The following ZNF804B variants were observed in gnomAD, a reference collection of about 807,000 sequenced individuals.
The protein encoded by ZNF804B is zinc finger 804B.
A neutral mutation model predicts 101.4 loss-of-function variants in ZNF804B; 80 were observed. The ratio of observed to expected loss-of-function variants is 0.79; its 90% CI spans 0.66 to 0.95. The LOEUF is 0.95. Ranked by LOEUF, ZNF804B falls within the 40% of genes least tolerant of loss-of-function variation. The probability of loss-of-function intolerance (pLI) is 0.00; values close to 1 mark genes in which losing one functional copy is unlikely to be tolerated. For synonymous variants in ZNF804B, 622 were observed against 558.8 expected (o/e 1.11, Z -1.59); for missense variants, 1,673 against 1,561.9 (o/e 1.07, Z -1.20).
At chr7:89,137,989 T>C (rs148912359) in intron 1 of ZNF804B, among the ~76,000 whole-genome samples, 3,442 of 152,274 alleles carry the variant, frequency 0.023, 49 homozygotes, top group Non-Finnish European at 0.037. Flanking sequence ...GCTCAGGCCA[T>C]GGCTTCAGAG....
At chr7:88,794,521 C>CTCA (rs1790442665) in intron 1 of ZNF804B, 1 of 1,613,560 alleles carries the variant, frequency 6.2e-7, no homozygotes, top group Non-Finnish European at 8.5e-7. Context: ...CATAAAAAGC[C>CTCA]TCATTGGAAT....
chr7:89,139,309 T>C (rs1348131435), intron 1 of ZNF804B, among the ~76,000 whole-genome samples: 2 of 152,162 alleles, frequency 1.3e-5, no homozygotes, highest in Non-Finnish European at 2.9e-5. Flanking sequence ...GCCTTGATAT[T>C]GATAGCTGCT....
chr7:89,157,154 G>T (rs1021899234), intron 1 of ZNF804B, among the ~76,000 whole-genome samples: 3 of 152,158 alleles, frequency 2.0e-5, no homozygotes, highest in Non-Finnish European at 2.9e-5. Context: ...AATGCCTAGG[G>T]TAGCTTCCTG....
At chr7:89,283,531 A>G (rs1424918014) in intron 2 of ZNF804B, among the ~76,000 whole-genome samples, 1 of 152,140 alleles carries the variant, frequency 6.6e-6, no homozygotes, top group Non-Finnish European at 1.5e-5. Context: ...CTGTCTATAT[A>G]ATCTGCAGGG....
In ZNF804B at chr7:89,334,333, G is replaced by A; in HGVS notation, c.1351G>A (p.Gly451Ser). 6.2e-7 allele frequency: 1 copy of A among 1,613,776 alleles called. No individual in the cohort carries two copies. The highest frequency in any genetic ancestry group is 8.5e-7 in the Non-Finnish European group (1 of 1,179,832). ...LPFLHVQSKD[G>S]HTTLQWPTEL... ...TTTTCTCCACGTTCAAAGCAAGGAT[G>A]GCCACACCACTCTTCAATGGCCTAC... is the stretch of plus-strand genomic sequence containing the variant. Residue 451 changes from glycine to serine, a missense_variant, in exon 4 of 4, where the codon GGC becomes AGC. By Grantham distance (56) the Gly-to-Ser change is moderately conservative. Transcript: ENST00000333190.
At chr7:88,868,550 A>G (rs75407312) in intron 1 of ZNF804B, among the ~76,000 whole-genome samples, 4,304 of 152,250 alleles carry the variant, frequency 0.028, 215 homozygotes, top group African/African-American at 0.098. Context: ...AACAAACCCT[A>G]TTCCACCCAT....
intron 2 of ZNF804B, among the ~76,000 whole-genome samples, chr7:89,292,930 A>T (rs1297426156): frequency 6.6e-6 from 1 of 152,064 alleles, no homozygotes; most frequent in African/African-American, 2.4e-5. Context: ...CACACTTAAA[A>T]CTATAAAACA....
chr7:89,120,657 C>A (rs867098651), intron 1 of ZNF804B, among the ~76,000 whole-genome samples: 368 of 103,042 alleles, frequency 3.6e-3, no homozygotes, highest in South Asian at 6.4e-3. Context: ...GACTCCGCCT[C>A]AAAAAAAAAA....
intron 1 of ZNF804B, among the ~76,000 whole-genome samples, chr7:88,769,400 A>G (rs1790030722): frequency 6.6e-6 from 1 of 152,172 alleles, no homozygotes; most frequent in Non-Finnish European, 1.5e-5. Context: ...TGCTTTAGGT[A>G]TAATTTAGTG....
chr7:89,222,671 T>C (rs990394870), intron 2 of ZNF804B, among the ~76,000 whole-genome samples: 20 of 152,086 alleles, frequency 1.3e-4, no homozygotes, highest in African/African-American at 4.6e-4. Context: ...CTCCCTGAAG[T>C]GCCCTCTTGT....
rs552656237 is a variant in ZNF804B, at chr7:89,229,848, A to G, written c.249+11553A>G. Among the ~76,000 whole-genome samples, 144 of 152,298 alleles carry G rather than the reference A, an allele frequency of 9.5e-4. 1 individual carries two copies. Among genetic ancestry groups the G allele is most frequent in the Non-Finnish European group, 1.8e-3 (121 of 68,006 alleles). On this transcript the variant is annotated intron_variant, in intron 2 of 3. Coordinates refer to ENST00000333190, the MANE Select transcript of ZNF804B (RefSeq NM_181646.5). ...CACATTAAAAGTTTTTAAATAAAAAATCATACAAAATATGCTCTCAAATCA... is the reference window on the plus strand; with the variant it reads ...CACATTAAAAGTTTTTAAATAAAAAGTCATACAAAATATGCTCTCAAATCA...
intron 1 of ZNF804B, among the ~76,000 whole-genome samples, chr7:88,884,619 T>G (rs1792095382): frequency 6.6e-6 from 1 of 152,040 alleles, no homozygotes; most frequent in South Asian, 2.1e-4. Flanking sequence ...ATAAATTTCA[T>G]ATTTCAAATA....
At chr7:89,153,944 G>T (rs926885270) in intron 1 of ZNF804B, among the ~76,000 whole-genome samples, 1 of 152,000 alleles carries the variant, frequency 6.6e-6, no homozygotes, top group Non-Finnish European at 1.5e-5. Context: ...CATTCACTCA[G>T]ATGCTTCTTT....
At chr7:88,948,048 A>C (rs1793162685) in intron 1 of ZNF804B, among the ~76,000 whole-genome samples, 2 of 151,948 alleles carry the variant, frequency 1.3e-5, no homozygotes, top group Non-Finnish European at 2.9e-5. Flanking sequence ...ATATCTAATT[A>C]AGTGTCTTGC....
At chr7:88,961,503 A>G (rs1007684910) in intron 1 of ZNF804B, among the ~76,000 whole-genome samples, 1 of 151,380 alleles carries the variant, frequency 6.6e-6, no homozygotes, top group African/African-American at 2.4e-5. Context: ...ACTATTTTTG[A>G]AGTTTTTATA....
chr7:89,333,553 T>C lies in ZNF804B; in HGVS notation c.571T>C (p.Leu191=). The C allele has an allele frequency of 6.2e-7, 1 of 1,613,520 alleles. No homozygotes were observed. Among genetic ancestry groups the C allele is most frequent in the Non-Finnish European group, 8.5e-7 (1 of 1,179,678 alleles). ...GTCCACCATGCCAAATCGACACCAA[T>C]TACAATCAGACAGGCGTTGTTTGTT... The part of the protein sequence containing the change: ...QRSTMPNRHQ[L]QSDRRCLFGN... Residue 191 remains leucine, a synonymous_variant, in exon 4 of 4, where the codon TTA becomes CTA. Coordinates refer to ENST00000333190, the MANE Select transcript of ZNF804B (RefSeq NM_181646.5).
intron 1 of ZNF804B, among the ~76,000 whole-genome samples, chr7:89,182,147 A>T (rs1052954674): frequency 4.6e-5 from 7 of 152,210 alleles, no homozygotes; most frequent in Non-Finnish European, 8.8e-5. Context: ...ACCTAATCAT[A>T]GATATTAAAT....
chr7:89,012,052 C>G (rs1788472712), intron 1 of ZNF804B, among the ~76,000 whole-genome samples: 1 of 152,162 alleles, frequency 6.6e-6, no homozygotes, highest in African/African-American at 2.4e-5. Flanking sequence ...CAGTGGCTCC[C>G]AAACCTCAAT....
chr7:88,841,922 A>G (rs1030705317), intron 1 of ZNF804B, among the ~76,000 whole-genome samples: 4 of 152,224 alleles, frequency 2.6e-5, no homozygotes, highest in Admixed American at 2.6e-4. Flanking sequence ...CGTGTAATAC[A>G]GAATTTATCA....
Sources: allele counts gnomAD v4.1 joint callset (sites outside exome capture counted in the v4.1 genomes callset), GRCh38; gene constraint gnomAD v4.1.1; transcripts MANE v1.5; gene names NCBI Gene and HGNC (gene_info 2026-07-23, HGNC 2026-07-21).